PPP2R2B: variants seen among roughly 807,000 people sequenced by gnomAD.
PPP2R2B encodes protein phosphatase 2 regulatory subunit Bbeta, also known as serine/threonine-protein phosphatase 2A 55 kDa regulatory subunit B beta isoform.
A neutral mutation model predicts 46.0 loss-of-function variants in PPP2R2B; 5 were observed. That is an observed-to-expected ratio of 0.11 (90% CI 0.06 to 0.23). The LOEUF is 0.23. PPP2R2B is among the 10% of genes least tolerant of loss of function. The pLI is 1.00. For synonymous variants in PPP2R2B, 215 were observed against 206.7 expected (o/e 1.04, Z -0.34); for missense variants, 367 against 575.0 (o/e 0.64, Z 3.70).
At chr5:146,959,843 A>G (rs568185426) in intron 1 of PPP2R2B, among the ~76,000 whole-genome samples, 1 of 152,298 alleles carries the variant, frequency 6.6e-6, no homozygotes, top group South Asian at 2.1e-4. Context: ...ACCAGCTGAC[A>G]TACTAAGGAA....
At chr5:146,626,267 C>G (rs1774060648) in intron 7 of PPP2R2B, among the ~76,000 whole-genome samples, 1 of 151,432 alleles carries the variant, frequency 6.6e-6, no homozygotes, top group East Asian at 1.9e-4. Context: ...TTTGATTTCA[C>G]TGTGGAGGGG....
At chr5:146,917,514 T>C (rs541420999) in intron 1 of PPP2R2B, among the ~76,000 whole-genome samples, 36 of 152,252 alleles carry the variant, frequency 2.4e-4, no homozygotes, top group Non-Finnish European at 4.6e-4. Context: ...ATCCATTTTA[T>C]AAATAAGGAT....
At chr5:147,039,311 T>A (rs1226187103) in intron 1 of PPP2R2B, among the ~76,000 whole-genome samples, 6 of 152,302 alleles carry the variant, frequency 3.9e-5, no homozygotes, top group African/African-American at 1.4e-4. Flanking sequence ...TTTCCCCTAC[T>A]AATATGCAAG....
At chr5:146,763,199 C>A (rs1291828836) in intron 2 of PPP2R2B, among the ~76,000 whole-genome samples, 4 of 152,188 alleles carry the variant, frequency 2.6e-5, no homozygotes, top group Non-Finnish European at 4.4e-5. Flanking sequence ...TGCTCCACGA[C>A]CTGCTCAGGG....
chr5:146,693,047 C>T (rs1328503362), intron 4 of PPP2R2B, among the ~76,000 whole-genome samples: 2 of 152,202 alleles, frequency 1.3e-5, no homozygotes, highest in Non-Finnish European at 2.9e-5. Context: ...CCAATCCCCA[C>T]TCTGACGCCA....
At chr5:147,078,706 G>T (rs1343337545) in intron 2 of PPP2R2B, among the ~76,000 whole-genome samples, 1 of 151,894 alleles carries the variant, frequency 6.6e-6, no homozygotes, top group Admixed American at 6.6e-5. Context: ...TACTTGGGAG[G>T]CTGAGGCAGG....
intron 7 of PPP2R2B, among the ~76,000 whole-genome samples, chr5:146,628,533 CCTT>C (rs1270197737): frequency 6.6e-6 from 1 of 152,176 alleles, no homozygotes; most frequent in Non-Finnish European, 1.5e-5. Context: ...GCCCTCAAGA[CCTT>C]CTCTGGCCAG....
chr5:146,593,169 C>T, intron 8 of PPP2R2B, 107 bp from the exon 9 acceptor site: 1 of 978,536 alleles, frequency 1.0e-6, no homozygotes, highest in Non-Finnish European at 1.6e-6. Context: ...ATTGTACATG[C>T]TCTTTGAATC....
Position 146,878,323 on chromosome 5 carries a change from G to C in PPP2R2B, c.-124-128C>G, listed in dbSNP as rs1762023426. The C allele has an allele frequency of 2.1e-6, 3 of 1,438,968 alleles. No individual in the cohort carries two copies. Among genetic ancestry groups the C allele is most frequent in the African/African-American group, 1.4e-5 (1 of 69,700 alleles). 89.1% of individuals were successfully genotyped at this position (1,438,968 alleles called of 1,614,324 possible). The stretch of plus-strand genomic sequence containing the variant: ...GCGCGGTGCGCTCACTCCAGCTCCA[G>C]TTCCCAGCGAGGATGCTGCGCCTGC... On this transcript the variant is annotated intron_variant, in intron 1 of 9. Coordinates refer to ENST00000394411, the MANE Select transcript of PPP2R2B (RefSeq NM_181675.4). The surrounding 1 kb of genome is among the most constrained non-coding windows in gnomAD (Gnocchi z 4.5).
intron 2 of PPP2R2B, among the ~76,000 whole-genome samples, chr5:146,775,035 AG>A (rs1561896999): frequency 6.6e-6 from 1 of 152,182 alleles, no homozygotes; most frequent in Admixed American, 6.5e-5. Flanking sequence ...ATGTCTTCAC[AG>A]GTGAATTCTA....
intron 1 of PPP2R2B, among the ~76,000 whole-genome samples, chr5:147,009,089 G>A (rs1754591177): frequency 6.6e-6 from 1 of 152,142 alleles, no homozygotes; most frequent in Non-Finnish European, 1.5e-5. Flanking sequence ...AACTGGCCAT[G>A]TGCTTTTATT....
intron 5 of PPP2R2B, among the ~76,000 whole-genome samples, chr5:146,672,794 C>A (rs967246556): frequency 5.3e-5 from 8 of 152,314 alleles, no homozygotes; most frequent in African/African-American, 1.7e-4. Flanking sequence ...CTCTGACTCA[C>A]AACTCTCTCC....
intron 6 of PPP2R2B, 45 bp from the exon 7 acceptor site, chr5:146,638,460 A>G (rs1774968571): frequency 6.6e-7 from 1 of 1,524,904 alleles, no homozygotes; most frequent in South Asian, 1.2e-5. Context: ...AGGAGGCAGG[A>G]ACTTGGGGAA....
chr5:146,959,654 T>C (rs1215857039), intron 1 of PPP2R2B, among the ~76,000 whole-genome samples: 1 of 152,070 alleles, frequency 6.6e-6, no homozygotes, highest in Non-Finnish European at 1.5e-5. Context: ...TCTGGGTCCT[T>C]GAAGAGGTGC....
intron 2 of PPP2R2B, among the ~76,000 whole-genome samples, chr5:146,839,991 A>G (rs568795851): frequency 1.0e-4 from 16 of 152,386 alleles, no homozygotes; most frequent in African/African-American, 3.6e-4. Flanking sequence ...CTGGGCAAAT[A>G]GTACAAACAG....
chr5:146,776,540 A>G (rs986572120), intron 2 of PPP2R2B, among the ~76,000 whole-genome samples: 1 of 152,174 alleles, frequency 6.6e-6, no homozygotes, highest in African/African-American at 2.4e-5. Context: ...CTGAAACTAT[A>G]AAACTGTTGC....
chr5:146,701,044 C>A lies in PPP2R2B; in HGVS notation c.168+1G>T. On this transcript the variant is annotated splice_donor_variant, in intron 3 of 9. Transcript: ENST00000394411. LOFTEE classifies it high-confidence loss of function. ...GGCATTTTGCATTCACCACCACTTACCTCCTGCTCTCGTTGAAATATTACA... is the reference window on the plus strand; with the variant it reads ...GGCATTTTGCATTCACCACCACTTAACTCCTGCTCTCGTTGAAATATTACA... 1 of 1,607,840 alleles carries A rather than the reference C, an allele frequency of 6.2e-7. No individual in the cohort carries two copies. Among genetic ancestry groups the A allele is most frequent in the Non-Finnish European group, 8.5e-7 (1 of 1,174,314 alleles).
intron 1 of PPP2R2B, among the ~76,000 whole-genome samples, chr5:146,908,081 CTACAT>C (rs1204194225): frequency 6.6e-6 from 1 of 152,192 alleles, no homozygotes; most frequent in African/African-American, 2.4e-5. Context: ...CTAAATCAAA[CTACAT>C]GATACCTATA....
intron 2 of PPP2R2B, among the ~76,000 whole-genome samples, chr5:146,727,467 A>G (rs1484764535): frequency 1.3e-5 from 2 of 152,148 alleles, no homozygotes; most frequent in Non-Finnish European, 2.9e-5. Flanking sequence ...TGTGGTGAGA[A>G]TATTTTCAAA....
Sources: gnomAD v4.1 joint callset for allele counts (sites outside exome capture counted in the v4.1 genomes callset) on GRCh38, gnomAD v4.1.1 for gene constraint, Gnocchi (gnomAD v3.1) non-coding constraint, MANE v1.5 for transcripts, NCBI Gene and HGNC (gene_info 2026-07-23, HGNC 2026-07-21) for gene names.